RERE: variants seen among roughly 807,000 people sequenced by gnomAD.
RERE encodes the protein arginine-glutamic acid dipeptide repeats, also known as arginine-glutamic acid dipeptide repeats protein.
RERE carries 40 observed loss-of-function variants against 146.1 expected under a neutral mutation model. The observed-to-expected ratio is 0.27, with a 90% CI of 0.21 to 0.36. The LOEUF is 0.36. Ranked by LOEUF, RERE falls within the 10% of genes least tolerant of loss-of-function variation. The pLI is 1.00. For synonymous variants in RERE, 1,003 were observed against 866.0 expected, an observed-to-expected ratio of 1.16 and a Z score of -2.78; for missense variants, 1,933 against 2,138.7, an observed-to-expected ratio of 0.90 and a Z score of 1.90.
intron 1 of RERE, among the ~76,000 whole-genome samples, chr1:8,669,994 C>T (rs553129987): frequency 3.9e-5 from 6 of 152,316 alleles, no homozygotes; most frequent in Admixed American, 1.3e-4. Flanking sequence ...CAAAACTCAT[C>T]GGAGCAGCTC....
At chr1:8,505,835 A>C (rs1645242896) in intron 8 of RERE, among the ~76,000 whole-genome samples, 1 of 152,222 alleles carries the variant, frequency 6.6e-6, no homozygotes, top group Non-Finnish European at 1.5e-5. Context: ...AAAAATTTTA[A>C]AAAGGTAAAT....
At chr1:8,734,147 C>A (rs1640148990) in intron 1 of RERE, among the ~76,000 whole-genome samples, 1 of 152,250 alleles carries the variant, frequency 6.6e-6, no homozygotes, top group South Asian at 2.1e-4. Context: ...TATAATATAA[C>A]TGTTATTGTT....
intron 1 of RERE, among the ~76,000 whole-genome samples, chr1:8,699,809 T>C (rs1055985525): frequency 2.6e-5 from 4 of 152,208 alleles, no homozygotes; most frequent in Non-Finnish European, 5.9e-5. Flanking sequence ...CTCCAATGAA[T>C]TAAAAAGTAT....
chr1:8,771,277 T>C (rs1640943421), intron 1 of RERE, among the ~76,000 whole-genome samples: 1 of 150,162 alleles, frequency 6.7e-6, no homozygotes, highest in Non-Finnish European at 1.5e-5. Context: ...ATCTCAGAAT[T>C]TTGGGAGGCC....
At chr1:8,803,438 C>A (rs972321558) in intron 1 of RERE, among the ~76,000 whole-genome samples, 3 of 151,958 alleles carry the variant, frequency 2.0e-5, no homozygotes, top group Non-Finnish European at 4.4e-5. Context: ...CCACTGCACT[C>A]CAGCCTGGGG....
intron 12 of RERE, among the ~76,000 whole-genome samples, chr1:8,383,839 A>T (rs933396553): frequency 6.6e-6 from 1 of 151,632 alleles, no homozygotes; most frequent in Non-Finnish European, 1.5e-5. Flanking sequence ...AGCCTGGGTG[A>T]CAAAGTGAGA....
chr1:8,414,713 C>G (rs1643715499), intron 12 of RERE, among the ~76,000 whole-genome samples: 1 of 152,012 alleles, frequency 6.6e-6, no homozygotes, highest in Non-Finnish European at 1.5e-5. Context: ...GCCATTAATA[C>G]TGAAACTTAA....
At chr1:8,646,013 A>G (rs558721361) in intron 2 of RERE, among the ~76,000 whole-genome samples, 166 of 152,300 alleles carry the variant, frequency 1.1e-3, no homozygotes, top group African/African-American at 3.9e-3. Context: ...CATTTTCCCA[A>G]CTGTTCCAAA....
chr1:8,373,649 C>A (rs1298502829), intron 12 of RERE, among the ~76,000 whole-genome samples: 1 of 152,154 alleles, frequency 6.6e-6, no homozygotes, highest in Non-Finnish European at 1.5e-5. Flanking sequence ...GACGCTGTCC[C>A]CTGAAGAGCT....
chr1:8,385,989 AAAAAATATATAT>A, intron 12 of RERE, among the ~76,000 whole-genome samples: 1 of 33,450 alleles, frequency 3.0e-5, no homozygotes, highest in Non-Finnish European at 5.8e-5. Context: ...AAAAAAAAAA[AAAAAATATATAT>A]ATATATATAT....
At chr1:8,677,425 C>CAAAAA (rs33947474) in intron 1 of RERE, among the ~76,000 whole-genome samples, 1 of 93,696 alleles carries the variant, frequency 1.1e-5, no homozygotes, top group Non-Finnish European at 2.1e-5. Context: ...GTCTCCGTCT[C>CAAAAA]AAAAAAAAAA....
At chr1:8,494,655 G>A (rs191302692) in intron 10 of RERE, among the ~76,000 whole-genome samples, 130 of 152,252 alleles carry the variant, frequency 8.5e-4, no homozygotes, top group Non-Finnish European at 1.4e-3. Flanking sequence ...GCCGGGAAGC[G>A]GAGCTTGCAG....
chr1:8,475,517 A>C (rs1284038333), intron 10 of RERE, among the ~76,000 whole-genome samples: 1 of 151,854 alleles, frequency 6.6e-6, no homozygotes, highest in Non-Finnish European at 1.5e-5. Context: ...GTCTCTACTA[A>C]AAAGAAATAC....
chr1:8,386,016 ATATATATTTTTTTTTTTT>A (rs1250317280), intron 12 of RERE, among the ~76,000 whole-genome samples: 19 of 44,246 alleles, frequency 4.3e-4, no homozygotes, highest in African/African-American at 1.7e-3. Context: ...ATATATATAT[ATATATATTTTTTTTTTTT>A]TTTTTTTTTT....
chr1:8,485,489 A>C, intron 10 of RERE, among the ~76,000 whole-genome samples: 1 of 152,162 alleles, frequency 6.6e-6, no homozygotes, highest in East Asian at 1.9e-4. Flanking sequence ...AAACAACTAA[A>C]GAATACAGGA....
At chr1:8,681,626 C>A (rs972177798) in intron 1 of RERE, among the ~76,000 whole-genome samples, 1 of 152,088 alleles carries the variant, frequency 6.6e-6, no homozygotes, top group Non-Finnish European at 1.5e-5. Flanking sequence ...AACATCTCAA[C>A]AAATTGAGAT....
chr1:8,708,634 G>A (rs1437052072), intron 1 of RERE, among the ~76,000 whole-genome samples: 4 of 151,930 alleles, frequency 2.6e-5, no homozygotes, highest in African/African-American at 4.8e-5. Flanking sequence ...CCAATCTGAC[G>A]GTTTTAAAAA....
Position 8,656,204 on chromosome 1 carries a change from T to G in RERE, c.94A>C (p.Ser32Arg). The change falls in exon 2 of 23, where the codon AGT (serine) becomes CGT (arginine). Residue 32 changes from serine (S) to arginine (R), a missense_variant. By Grantham distance (110) the Ser-to-Arg change is moderately radical. This residue lies in a region of RERE where 107 missense variants were observed against 119.7 expected (regional missense o/e 0.89). Transcript: ENST00000400908. ...EREKRDKARE[S>R]ENSRPRRSCT... is the part of the protein sequence containing the mutation. ...CTCCGGCGTGGCCTTGAATTCTCAC[T>G]CTCTCTTGCTTTGTCTCTTTTCTCT... is the stretch of plus-strand genomic sequence containing the variant. The G allele has an allele frequency of 5.0e-6, 8 of 1,613,764 alleles. No individual in the cohort carries two copies. The highest frequency in any genetic ancestry group is 6.8e-6 in the Non-Finnish European group (8 of 1,179,650).
intron 11 of RERE, chr1:8,425,772 GACAA>G (rs1644002987): frequency 6.6e-6 from 1 of 152,260 alleles, no homozygotes; most frequent in African/African-American, 2.4e-5. Context: ...GGCAGAGTTG[GACAA>G]ACAAATTCAG....
Sources: allele counts gnomAD v4.1 joint callset (sites outside exome capture counted in the v4.1 genomes callset), GRCh38; gene constraint gnomAD v4.1.1; regional missense constraint gnomAD v4.1.1; transcripts MANE v1.5; gene names NCBI Gene and HGNC (gene_info 2026-07-23, HGNC 2026-07-21).